Variants in GULP1 observed in about 807,000 individuals in gnomAD.
The protein encoded by GULP1 is GULP PTB domain containing engulfment adaptor 1.
In GULP1, 19 loss-of-function variants were observed where a neutral mutation model predicts 40.9. The ratio of observed to expected loss-of-function variants is 0.46; its 90% confidence interval spans 0.32 to 0.68. The LOEUF (loss-of-function observed/expected upper bound fraction) is 0.68. Among genes scored for constraint, GULP1 ranks in the 30% least tolerant of loss-of-function variants. GULP1 has a pLI of 0.03. For synonymous variants in GULP1, 119 were observed against 117.6 expected (o/e 1.01, Z -0.08); for missense variants, 312 against 362.2 (o/e 0.86, Z 1.12).
chr2:188,296,756 A>G (rs1273060023), intron 1 of GULP1, among the ~76,000 whole-genome samples: 3 of 152,036 alleles, frequency 2.0e-5, no homozygotes, highest in Admixed American at 1.3e-4. Flanking sequence ...AAGAGAGTGC[A>G]TCTAGATATC....
intron 2 of GULP1, among the ~76,000 whole-genome samples, chr2:188,438,079 T>G (rs1393626661): frequency 1.3e-5 from 2 of 151,956 alleles, no homozygotes; most frequent in African/African-American, 4.8e-5. Context: ...AATTAAAAGT[T>G]TAAAAACATT....
At chr2:188,460,744 G>GCTTT (rs1036805039) in intron 2 of GULP1, among the ~76,000 whole-genome samples, 1 of 152,058 alleles carries the variant, frequency 6.6e-6, no homozygotes, top group African/African-American at 2.4e-5. Flanking sequence ...CAGGGGTAAG[G>GCTTT]CTTTCAGTTT....
intron 7 of GULP1, among the ~76,000 whole-genome samples, chr2:188,559,298 G>A (rs1576088741): frequency 1.3e-5 from 2 of 152,202 alleles, no homozygotes; most frequent in African/African-American, 2.4e-5. Context: ...GTTTCAGAGA[G>A]TGCAAGCCCC....
intron 7 of GULP1, among the ~76,000 whole-genome samples, chr2:188,559,644 A>G (rs1695735699): frequency 6.6e-6 from 1 of 152,154 alleles, no homozygotes; most frequent in South Asian, 2.1e-4. Context: ...GTTAATGCTT[A>G]ACTGAGTTAA....
At chr2:188,475,400 TTTG>T (rs2153027992) in intron 2 of GULP1, among the ~76,000 whole-genome samples, 1 of 152,276 alleles carries the variant, frequency 6.6e-6, no homozygotes, top group East Asian at 1.9e-4. Flanking sequence ...AGAGTTTTTT[TTTG>T]TTGTTATTCT....
intron 3 of GULP1, among the ~76,000 whole-genome samples, chr2:188,482,220 T>C (rs1394807092): frequency 1.3e-5 from 2 of 151,956 alleles, no homozygotes; most frequent in Non-Finnish European, 2.9e-5. Context: ...ATTATTCAAA[T>C]AGTATAAAAT....
At chr2:188,466,292 T>TCCCCC (rs138871908) in intron 2 of GULP1, among the ~76,000 whole-genome samples, 1 of 148,008 alleles carries the variant, frequency 6.8e-6, no homozygotes, top group East Asian at 2.0e-4. Flanking sequence ...GGTTTTTTTT[T>TCCCCC]CCCCCCCCGG....
intron 11 of GULP1, chr2:188,589,762 A>G: frequency 7.5e-7 from 1 of 1,330,502 alleles, no homozygotes; most frequent in Non-Finnish European, 1.0e-6. Flanking sequence ...TTGGTATATT[A>G]TTTTTATAAT....
chr2:188,425,471 G>A (rs1351238828), intron 2 of GULP1, among the ~76,000 whole-genome samples: 1 of 152,008 alleles, frequency 6.6e-6, no homozygotes, highest in Non-Finnish European at 1.5e-5. Flanking sequence ...TTGGTTTTGG[G>A]GGTTGTAGTT....
chr2:188,309,616 A>G (rs146656883), intron 1 of GULP1, among the ~76,000 whole-genome samples: 2 of 152,324 alleles, frequency 1.3e-5, no homozygotes, highest in Admixed American at 6.5e-5. Flanking sequence ...CTGAGTAACT[A>G]CGGATCAGGG....
intron 1 of GULP1, among the ~76,000 whole-genome samples, chr2:188,380,208 A>T (rs2048840404): frequency 6.6e-6 from 1 of 152,208 alleles, no homozygotes; most frequent in South Asian, 2.1e-4. Flanking sequence ...CAAGCTACTT[A>T]GGACAATCAT....
At chr2:188,450,314 A>T (rs927431370) in intron 2 of GULP1, among the ~76,000 whole-genome samples, 4 of 152,122 alleles carry the variant, frequency 2.6e-5, no homozygotes, top group Non-Finnish European at 5.9e-5. Flanking sequence ...TATGTATGTA[A>T]TCACTCTAGG....
At chr2:188,308,713 G>A (rs2037562296) in intron 1 of GULP1, among the ~76,000 whole-genome samples, 1 of 152,186 alleles carries the variant, frequency 6.6e-6, no homozygotes, top group South Asian at 2.1e-4. Context: ...ATGGTGTGTA[G>A]TCTTGCTCCT....
chr2:188,505,699 T>G (rs920745891), intron 4 of GULP1, among the ~76,000 whole-genome samples: 1 of 151,846 alleles, frequency 6.6e-6, no homozygotes, highest in Non-Finnish European at 1.5e-5. Flanking sequence ...CCTATTCATA[T>G]GGAAGATCAC....
chr2:188,347,325 AAC>A (rs1449764864), intron 1 of GULP1, among the ~76,000 whole-genome samples: 1 of 152,162 alleles, frequency 6.6e-6, no homozygotes, highest in Non-Finnish European at 1.5e-5. Flanking sequence ...AGATGGACCC[AAC>A]AGCACTCTGA....
intron 2 of GULP1, among the ~76,000 whole-genome samples, chr2:188,415,265 T>G (rs1197037911): frequency 7.9e-5 from 12 of 152,130 alleles, no homozygotes; most frequent in Admixed American, 7.9e-4. Flanking sequence ...GAAAAAAAGA[T>G]TATAGAATGA....
chr2:188,389,622 A>T (rs561984319), intron 2 of GULP1, among the ~76,000 whole-genome samples: 1 of 152,312 alleles, frequency 6.6e-6, no homozygotes, highest in East Asian at 1.9e-4. Context: ...TCTTTAAAAA[A>T]ATTTCAGTAG....
intron 1 of GULP1, among the ~76,000 whole-genome samples, chr2:188,346,359 A>G (rs920213745): frequency 1.3e-5 from 2 of 152,248 alleles, no homozygotes; most frequent in Non-Finnish European, 2.9e-5. Flanking sequence ...TGCTTATTAC[A>G]GTAGTTGTTT....
At chr2:188,465,379 A>G (rs2060026803) in intron 2 of GULP1, among the ~76,000 whole-genome samples, 1 of 151,934 alleles carries the variant, frequency 6.6e-6, no homozygotes, top group African/African-American at 2.4e-5. Flanking sequence ...CTGGTATCCA[A>G]GAGGCAAGAC....
Sources: gnomAD v4.1 joint callset for allele counts (sites outside exome capture counted in the v4.1 genomes callset) on GRCh38, gnomAD v4.1.1 for gene constraint, MANE v1.5 for transcripts, NCBI Gene and HGNC (gene_info 2026-07-23, HGNC 2026-07-21) for gene names.